The following CCDC160 variants were observed in gnomAD, a reference collection of about 807,000 sequenced individuals.
CCDC160 encodes the protein coiled-coil domain-containing protein 160.
For synonymous variants in CCDC160, 94 were observed against 79.4 expected, an observed-to-expected ratio of 1.18 and a Z score of -0.98; for missense variants, 227 against 215.6, an observed-to-expected ratio of 1.05 and a Z score of -0.33.
chrX:134,242,873 T>G (rs1257550531), intron 1 of CCDC160, among the ~76,000 whole-genome samples: 1 of 111,043 alleles, frequency 9.0e-6, no homozygotes, highest in Non-Finnish European at 1.9e-5. Context: ...GCTACCTGAT[T>G]AGAAGCATTT....
At chrX:134,243,369 T>C (rs2077033016) in intron 1 of CCDC160, 1 of 749,372 alleles carries the variant, frequency 1.3e-6, no homozygotes, top group Admixed American at 8.9e-5. Flanking sequence ...GTGAGTCCCT[T>C]CCATCTTTTG....
chrX:134,244,264 G>T (rs912954936), intron 1 of CCDC160, among the ~76,000 whole-genome samples: 1 of 111,418 alleles, frequency 9.0e-6, no homozygotes, highest in African/African-American at 3.3e-5. Context: ...TAGTCATAAG[G>T]AAGTCTGCAT....
chrX:134,243,938 T>A (rs1354084788), intron 1 of CCDC160, among the ~76,000 whole-genome samples: 1 of 111,158 alleles, frequency 9.0e-6, no homozygotes, highest in Non-Finnish European at 1.9e-5. Flanking sequence ...AAGCTGTACA[T>A]TAAGGATGTA....
At chrX:134,246,053 A>G (rs1243765342), downstream of CCDC160, 1 of 183,127 alleles carries the variant, frequency 5.5e-6, no homozygotes, top group Non-Finnish European at 9.9e-6. Flanking sequence ...ACATATATTC[A>G]CTCAAAAACA....
chrX:134,243,211 G>A, intron 1 of CCDC160: 1 of 143,950 alleles, frequency 6.9e-6, no homozygotes, highest in Non-Finnish European at 1.2e-5. Flanking sequence ...TGGTCTGATT[G>A]ACCTCAAGAA....
chrX:134,243,173 G>T (rs1218621283), intron 1 of CCDC160, among the ~76,000 whole-genome samples: 1 of 112,166 alleles, frequency 8.9e-6, no homozygotes, highest in African/African-American at 3.2e-5. Flanking sequence ...AATATATATT[G>T]TGAATTTAAA....
chrX:134,245,429 T>C (rs772055704), exon 2 of CCDC160: 1 of 1,180,701 alleles, frequency 8.5e-7, no homozygotes, highest in Non-Finnish European at 1.1e-6. Context: ...AGAAATGACC[T>C]GTCTGAAAAA....
exon 2 of CCDC160, chrX:134,244,984 A>G: frequency 1.7e-6 from 2 of 1,181,639 alleles, no homozygotes; most frequent in Non-Finnish European, 2.3e-6. Context: ...AAGTAAATTT[A>G]AGAGGAAAAA....
At chrX:134,242,085 C>T (rs2077029101) in intron 1 of CCDC160, among the ~76,000 whole-genome samples, 1 of 110,987 alleles carries the variant, frequency 9.0e-6, no homozygotes, top group African/African-American at 3.3e-5. Flanking sequence ...GGATATCTTG[C>T]CAATGAAAGA....
chrX:134,244,726 G>A, intron 1 of CCDC160, 51 bp from the exon 3 acceptor site: 1 of 1,028,613 alleles, frequency 9.7e-7, no homozygotes, highest in Non-Finnish European at 1.3e-6. Flanking sequence ...TACTATATTA[G>A]CTACTAGTGT....
chrX:134,237,212 CG>C (rs1459882609), exon 1 of CCDC160: 1 of 113,599 alleles, frequency 8.8e-6, no homozygotes, highest in Non-Finnish European at 1.9e-5. Context: ...CGCTGCACTG[CG>C]GTGGCTCAGC....
At chrX:134,244,505 A>G (rs886504430) in intron 1 of CCDC160, among the ~76,000 whole-genome samples, 1 of 112,222 alleles carries the variant, frequency 8.9e-6, no homozygotes, top group African/African-American at 3.2e-5. Flanking sequence ...TTCTCTGTGT[A>G]CAGTAAGTAG....
chrX:134,241,625 A>T (rs1158735290), intron 1 of CCDC160, among the ~76,000 whole-genome samples: 1 of 112,229 alleles, frequency 8.9e-6, no homozygotes, highest in East Asian at 2.8e-4. Context: ...TTGTCCTATG[A>T]CTTTGTATTG....
chrX:134,245,474 A>G lies in CCDC160; in HGVS notation c.674A>G (p.Gln225Arg), dbSNP rs1320305824. ...GTAAAAAACTTAAGTGAACAGCTCC[A>G]GCAAGCCAAAGAAGTCATCCACAAA... Residue 225 changes from glutamine (Q) to arginine (R), a missense_variant, in exon 2 of 2, where the codon CAG becomes CGG. Transcript: ENST00000370809. The G allele has an allele frequency of 1.3e-5, 15 of 1,188,976 alleles. No individual in the cohort carries two copies. In the Admixed American group the frequency reaches 3.3e-4, roughly 26 times the overall value.
chrX:134,241,600 A>G (rs1316547245), intron 1 of CCDC160, among the ~76,000 whole-genome samples: 1 of 112,275 alleles, frequency 8.9e-6, no homozygotes, highest in Non-Finnish European at 1.9e-5. Context: ...GGGGATTGCT[A>G]TCTTAGAGGA....
At chrX:134,242,031 G>T (rs946772691) in intron 1 of CCDC160, among the ~76,000 whole-genome samples, 1 of 111,169 alleles carries the variant, frequency 9.0e-6, no homozygotes, top group African/African-American at 3.3e-5. Flanking sequence ...CCGAGTCTGG[G>T]ATTTGCCACA....
chrX:134,240,664 CTTTTTTTTTTTTTTTTTTTT>C lies in CCDC160; in HGVS notation c.-25+3337_-25+3356del, dbSNP rs3045487. 6.0e-3 allele frequency among the ~76,000 whole-genome samples: 163 copies of C among 27,183 alleles called. 1 individual carries two copies. Among genetic ancestry groups the C allele is most frequent in the African/African-American group, 0.019 (116 of 6,204 alleles). The allele number at this position is 27,183 out of a possible 115,157, so 23.6% of individuals were successfully genotyped here. On this transcript the variant is annotated intron_variant, in intron 1 of 1. Transcript: ENST00000370809. ...GGTCCTGAAAATTTGAAACCAAATTCTTTTTTTTTTTTTTTTTTTTTTTTTTTTTTTTTTTAGGAGACAGA... is the reference window on the plus strand; with the variant it reads ...GGTCCTGAAAATTTGAAACCAAATTCTTTTTTTTTTTTTTTAGGAGACAGA...
chrX:134,244,679 G>C (rs1401178166), intron 1 of CCDC160, 98 bp from the exon 3 acceptor site: 2 of 818,385 alleles, frequency 2.4e-6, no homozygotes, highest in Non-Finnish European at 3.3e-6. Context: ...CAAATGTTTA[G>C]ATTCTTCACC....
At chrX:134,243,079 A>G (rs1265176205) in intron 1 of CCDC160, among the ~76,000 whole-genome samples, 1 of 111,920 alleles carries the variant, frequency 8.9e-6, no homozygotes, top group East Asian at 2.8e-4. Flanking sequence ...AGATCAATCA[A>G]TGATGCTTCT....
Sources: allele counts gnomAD v4.1 joint callset (sites outside exome capture counted in the v4.1 genomes callset), GRCh38; gene constraint gnomAD v4.1.1; transcripts MANE v1.5; gene names NCBI Gene and HGNC (gene_info 2026-07-23, HGNC 2026-07-21).